Variants in MYRFL observed in about 807,000 individuals in gnomAD.
MYRFL encodes the protein myelin regulatory factor like.
A neutral mutation model predicts 109.4 loss-of-function variants in MYRFL; 88 were observed. The observed-to-expected ratio is 0.80, with a 90% CI of 0.68 to 0.96. The LOEUF (loss-of-function observed/expected upper bound fraction) is 0.96. Among genes scored for constraint, MYRFL ranks in the 40% least tolerant of loss-of-function variants. MYRFL has a pLI of 0.00. For missense variants in MYRFL, 957 were observed against 954.9 expected (o/e 1.00, Z -0.03); for synonymous variants, 324 against 320.9 (o/e 1.01, Z -0.10).
intron 13 of MYRFL, among the ~76,000 whole-genome samples, chr12:69,918,287 T>C (rs1954811725): frequency 6.6e-6 from 1 of 151,956 alleles, no homozygotes. Flanking sequence ...TTGTATGGAA[T>C]GAGAAACAAA....
intron 1 of MYRFL, among the ~76,000 whole-genome samples, chr12:69,838,219 G>T (rs1011811926): frequency 6.6e-6 from 1 of 152,086 alleles, no homozygotes; most frequent in African/African-American, 2.4e-5. Context: ...TCAGCCCAGG[G>T]GACATTGATT....
chr12:69,937,749 A>G (rs1044494299), intron 19 of MYRFL, among the ~76,000 whole-genome samples: 2 of 152,252 alleles, frequency 1.3e-5, no homozygotes, highest in Non-Finnish European at 2.9e-5. Context: ...CTCATGACCT[A>G]CATAGAATAT....
intron 2 of MYRFL, among the ~76,000 whole-genome samples, chr12:69,876,656 G>T (rs1475444565): frequency 6.6e-6 from 1 of 152,198 alleles, no homozygotes; most frequent in African/African-American, 2.4e-5. Flanking sequence ...TTGGTAGAGT[G>T]ATGAAGGAGG....
intron 2 of MYRFL, among the ~76,000 whole-genome samples, chr12:69,856,614 C>T (rs1469933303): frequency 6.6e-6 from 1 of 152,006 alleles, no homozygotes; most frequent in African/African-American, 2.4e-5. Context: ...TTTGTAATGA[C>T]ATACCATGTA....
chr12:69,837,065 C>A (rs927488312), intron 1 of MYRFL, among the ~76,000 whole-genome samples: 1 of 152,004 alleles, frequency 6.6e-6, no homozygotes, highest in Non-Finnish European at 1.5e-5. Flanking sequence ...TGAGCCTTAA[C>A]AAATTGACAG....
At chr12:69,876,340 A>G (rs1400537578) in intron 2 of MYRFL, among the ~76,000 whole-genome samples, 2 of 151,984 alleles carry the variant, frequency 1.3e-5, no homozygotes, top group Non-Finnish European at 2.9e-5. Flanking sequence ...GCTTTTGTCT[A>G]GTTTCCAGTG....
Position 69,880,227 on chromosome 12 carries a change from G to GA in MYRFL, c.494dup (p.Cys166ValfsTer24), listed in dbSNP as rs1885979417. The GA allele has an allele frequency of 2.0e-5, 14 of 702,690 alleles. No individual in the cohort carries two copies. In the East Asian group the frequency reaches 3.8e-4, roughly 19 times the overall value. 43.5% of individuals were successfully genotyped at this position (702,690 alleles called of 1,614,324 possible). The stretch of plus-strand genomic sequence containing the variant: ...GCCTCATTGCCTCCAACCAAGAAGA[G>GA]AAAGTGCACGCAGGCACTGGAGGAC... On this transcript the variant is annotated frameshift_variant, in exon 5 of 25. Transcript: ENST00000552032. LOFTEE classifies it high-confidence loss of function.
chr12:69,897,342 C>A (rs778635209), intron 10 of MYRFL, 96 bp downstream of exon 10: 1 of 873,182 alleles, frequency 1.1e-6, no homozygotes, highest in Non-Finnish European at 1.8e-6. Context: ...TATGCTATTT[C>A]GATGATAATG....
At chr12:69,903,619 G>A in intron 10 of MYRFL, 25 bp from the exon 11 acceptor site, 2 of 1,533,248 alleles carry the variant, frequency 1.3e-6, no homozygotes, top group Non-Finnish European at 1.7e-6. Flanking sequence ...TACTTTAATT[G>A]TAATATATTT....
intron 5 of MYRFL, among the ~76,000 whole-genome samples, chr12:69,882,541 C>T (rs1468455728): frequency 6.6e-6 from 1 of 152,160 alleles, no homozygotes; most frequent in Non-Finnish European, 1.5e-5. Context: ...CAGAGATGGC[C>T]TGAGTCAATC....
intron 2 of MYRFL, among the ~76,000 whole-genome samples, chr12:69,863,600 CAT>C (rs1460658807): frequency 6.6e-6 from 1 of 152,196 alleles, no homozygotes; most frequent in Non-Finnish European, 1.5e-5. Flanking sequence ...TTGTAGCTAT[CAT>C]GTGTATTGCA....
At chr12:69,883,575 C>T (rs1234122349) in intron 5 of MYRFL, among the ~76,000 whole-genome samples, 2 of 151,972 alleles carry the variant, frequency 1.3e-5, no homozygotes, top group Non-Finnish European at 2.9e-5. Flanking sequence ...CAAAAGAGGC[C>T]GGTGAGGCCA....
rs768623428 is a variant in MYRFL, at chr12:69,952,157, C to T, written c.2269C>T (p.Pro757Ser). The change falls in exon 20 of 25, where the codon CCT (proline) becomes TCT (serine). Residue 757 changes from proline to serine, a missense_variant. By Grantham distance (74) the Pro-to-Ser change is moderately conservative. Transcript: ENST00000552032. ...TTTGGCAAGAAATGCACTCAGCGGC[C>T]CTGACTGGGAGAGTGACTGTAAGTT... ...SVLARNALSG[P>S]DWESDWIDTT... is the part of the protein sequence containing the mutation. 1 of 1,536,046 alleles carries T rather than the reference C, an allele frequency of 6.5e-7. No homozygotes were observed.
chr12:69,945,501 A>G (rs942304768), intron 19 of MYRFL, among the ~76,000 whole-genome samples: 8 of 152,240 alleles, frequency 5.3e-5, no homozygotes, highest in Non-Finnish European at 1.0e-4. Flanking sequence ...AATATAGCCT[A>G]GGTGTGTAGT....
chr12:69,836,231 G>C (rs2136314930), intron 1 of MYRFL, among the ~76,000 whole-genome samples: 1 of 152,296 alleles, frequency 6.6e-6, no homozygotes, highest in East Asian at 1.9e-4. Context: ...AGCCGCCTGT[G>C]TGTTCCTTCA....
chr12:69,880,095 G>A, intron 4 of MYRFL, 106 bp from the exon 5 acceptor site: 2 of 606,374 alleles, frequency 3.3e-6, no homozygotes, highest in East Asian at 2.8e-5. Context: ...TTAACTAATT[G>A]GAATTAGACT....
chr12:69,852,264 G>A (rs1883919547), intron 1 of MYRFL, among the ~76,000 whole-genome samples: 1 of 152,126 alleles, frequency 6.6e-6, no homozygotes. Flanking sequence ...TTCAGCCTAA[G>A]AACAATGTAG....
At chr12:69,840,055 AATTTCCCCAT>A (rs1403306340) in intron 1 of MYRFL, among the ~76,000 whole-genome samples, 2 of 152,186 alleles carry the variant, frequency 1.3e-5, no homozygotes, top group African/African-American at 4.8e-5. Flanking sequence ...TCATAAGCCA[AATTTCCCCAT>A]ATTATATTTA....
intron 1 of MYRFL, among the ~76,000 whole-genome samples, chr12:69,830,946 G>A (rs1232692074): frequency 2.0e-5 from 3 of 151,980 alleles, no homozygotes; most frequent in African/African-American, 7.3e-5. Context: ...GTTAGAACCT[G>A]GTTTCTGGAA....
Sources: gnomAD v4.1 joint callset for allele counts (sites outside exome capture counted in the v4.1 genomes callset) on GRCh38, gnomAD v4.1.1 for gene constraint, MANE v1.5 for transcripts, NCBI Gene and HGNC (gene_info 2026-07-23, HGNC 2026-07-21) for gene names.